Variants in SLC26A5 observed in about 807,000 individuals in gnomAD.
The protein encoded by SLC26A5 is solute carrier family 26 member 5.
A neutral mutation model predicts 81.0 loss-of-function variants in SLC26A5; 51 were observed. The ratio of observed to expected loss-of-function variants is 0.63; its 90% CI spans 0.50 to 0.80. The LOEUF is 0.80. SLC26A5 is among the 30% of genes least tolerant of loss of function. The probability of loss-of-function intolerance (pLI) is 0.00; values close to 1 mark genes in which losing one functional copy is unlikely to be tolerated. For missense variants in SLC26A5, 771 were observed against 905.8 expected (o/e 0.85, Z 1.91); for synonymous variants, 325 against 332.8 (o/e 0.98, Z 0.25).
In SLC26A5 at chr7:103,397,988, A is replaced by C; in HGVS notation, c.915T>G (p.Ala305=). The change falls in exon 9 of 20, where the codon GCT becomes GCG. Residue 305 remains alanine, a synonymous_variant. Coordinates refer to ENST00000306312, the MANE Select transcript of SLC26A5 (RefSeq NM_198999.3). ...TGTATGATTCTTTCAAGTTAAACCCAGCTGAAATGCCAGTTCCCATTACGA... is the reference window on the plus strand; with the variant it reads ...TGTATGATTCTTTCAAGTTAAACCCCGCTGAAATGCCAGTTCCCATTACGA... The part of the protein sequence containing the change: ...FAVVMGTGIS[A]GFNLKESYNV... 6.2e-7 allele frequency: 1 copy of C among 1,614,118 alleles called. No individual in the cohort carries two copies. The highest frequency in any genetic ancestry group is 1.3e-5 in the African/African-American group (1 of 75,050).
chr7:103,355,972 A>G (rs1031473223), intron 19 of SLC26A5, among the ~76,000 whole-genome samples: 3 of 152,254 alleles, frequency 2.0e-5, no homozygotes. Flanking sequence ...TCAAAAATAT[A>G]TGAAGGCATA....
chr7:103,409,275 A>T (rs982817593), intron 7 of SLC26A5, among the ~76,000 whole-genome samples: 3 of 152,238 alleles, frequency 2.0e-5, no homozygotes, highest in African/African-American at 7.2e-5. Context: ...CTTGGCACCT[A>T]GCAGTGTCTG....
intron 14 of SLC26A5, chr7:103,388,728 A>G (rs1822405750): frequency 2.6e-6 from 1 of 387,004 alleles, no homozygotes; most frequent in African/African-American, 2.1e-5. Context: ...TAGACCAGGA[A>G]TGGCAGAAAC....
At chr7:103,379,950 A>G (rs1821649247) in intron 15 of SLC26A5, among the ~76,000 whole-genome samples, 1 of 152,174 alleles carries the variant, frequency 6.6e-6, no homozygotes, top group African/African-American at 2.4e-5. Flanking sequence ...CTAATACCTT[A>G]AAGTGAGTCT....
At chr7:103,403,170 T>C (rs183659707) in intron 8 of SLC26A5, among the ~76,000 whole-genome samples, 1 of 152,348 alleles carries the variant, frequency 6.6e-6, no homozygotes, top group East Asian at 1.9e-4. Context: ...AGTTTCCATG[T>C]AGTTATGCAG....
In SLC26A5 at chr7:103,421,587, C is replaced by T; in HGVS notation, c.-53-20G>A. 1.3e-6 allele frequency: 2 copies of T among 1,509,346 alleles called. No individual in the cohort carries two copies. Among genetic ancestry groups the T allele is most frequent in the Non-Finnish European group, 1.8e-6 (2 of 1,092,752 alleles). The allele number at this position is 1,509,346 out of a possible 1,614,324, so 93.5% of individuals were successfully genotyped here. On this transcript the variant is annotated intron_variant, in intron 2 of 19. Transcript: ENST00000306312. Reference sequence around the variant, plus strand: ...GTGTCACTAGGGGAAAAAAGAAAAACTCCATTTTACTTGCCAAAATCCTAC... The same window carrying T: ...GTGTCACTAGGGGAAAAAAGAAAAATTCCATTTTACTTGCCAAAATCCTAC...
rs974599319 is a variant in SLC26A5 at position 103,421,571 on chromosome 7, G to C, written c.-53-4C>G. ...GACAAGCATTTCCTGAGTGTCACTA[G>C]GGGAAAAAAGAAAAACTCCATTTTA... On this transcript the variant is annotated splice_polypyrimidine_tract_variant and splice_region_variant and intron_variant, in intron 2 of 19. Coordinates refer to ENST00000306312, the MANE Select transcript of SLC26A5 (RefSeq NM_198999.3). 7.0e-6 allele frequency: 11 copies of C among 1,581,098 alleles called. No individual in the cohort carries two copies. Among genetic ancestry groups the C allele is most frequent in the Non-Finnish European group, 9.5e-6 (11 of 1,153,344 alleles).
chr7:103,354,827 G>T, intron 19 of SLC26A5: 2 of 1,254,676 alleles, frequency 1.6e-6, no homozygotes, highest in Non-Finnish European at 2.3e-6. Flanking sequence ...ATAAATGGTT[G>T]ATATCCTGAT....
intron 19 of SLC26A5, among the ~76,000 whole-genome samples, chr7:103,361,270 G>T (rs947600838): frequency 1.3e-5 from 2 of 151,546 alleles, no homozygotes; most frequent in Middle Eastern, 3.2e-3. Flanking sequence ...GATCACCTGA[G>T]GTTGGGATTT....
intron 2 of SLC26A5, among the ~76,000 whole-genome samples, chr7:103,432,321 C>G (rs117826939): frequency 0.038 from 5,850 of 152,102 alleles, 157 homozygotes; most frequent in Non-Finnish European, 0.042. Flanking sequence ...ATTTATTCTC[C>G]CTTTTCTCTT....
At chr7:103,377,947 T>C in intron 17 of SLC26A5, 148 bp from the exon 18 acceptor site, 1 of 754,822 alleles carries the variant, frequency 1.3e-6, no homozygotes, top group Non-Finnish European at 2.3e-6. Flanking sequence ...TATTCTAGCC[T>C]TGTAACTGAA....
intron 6 of SLC26A5, 65 bp downstream of exon 6, chr7:103,411,355 G>T (rs1464685237): frequency 6.3e-7 from 1 of 1,589,926 alleles, no homozygotes; most frequent in African/African-American, 1.3e-5. Flanking sequence ...CCAGCCAAGA[G>T]CACTCAGTAG....
In SLC26A5 at chr7:103,367,651, T is replaced by TGAA; in HGVS notation, c.2041+9154_2041+9156dup. On this transcript the variant is annotated intron_variant, in intron 19 of 19. Coordinates refer to the SLC26A5 transcript ENST00000339444. This position sits in a 1 kb window ranked among gnomAD's most constrained non-coding sequence, Gnocchi z 6.1. ...CATTTCATTTTAGGAAAGGGATTTTTGAAGTTTTTTCTTCCTGTGATTTTT... is the reference window on the plus strand; with the variant it reads ...CATTTCATTTTAGGAAAGGGATTTTTGAAGAAGTTTTTTCTTCCTGTGATTTTT... 1 of 1,609,894 alleles carries TGAA rather than the reference T, an allele frequency of 6.2e-7. No individual in the cohort carries two copies. The highest frequency in any genetic ancestry group is 2.2e-5 in the East Asian group (1 of 44,856).
In SLC26A5 at chr7:103,421,441, T is replaced by C. The variant is rs768355980; in HGVS notation, c.74A>G (p.His25Arg). The C allele has an allele frequency of 1.9e-6, 3 of 1,614,004 alleles. No homozygotes were observed. Among genetic ancestry groups the C allele is most frequent in the South Asian group, 1.1e-5 (1 of 91,078 alleles). ...GTGTAGTCTTTCCTGGAGGACCGGA[T>C]GACTAAAGATAGGCCTTTCCACATA... ...RYYVERPIFSHPVLQERLHTK... is the reference protein window; with the variant it reads ...RYYVERPIFSRPVLQERLHTK... The change falls in exon 3 of 20, where the codon CAT (histidine) becomes CGT (arginine). Residue 25 changes from histidine (H) to arginine (R), a missense_variant. Physicochemically the swap from His to Arg is conservative, Grantham distance 29. Coordinates refer to ENST00000306312, the MANE Select transcript of SLC26A5 (RefSeq NM_198999.3).
chr7:103,354,737 T>C (rs1465297423), intron 19 of SLC26A5: 5 of 617,700 alleles, frequency 8.1e-6, no homozygotes, highest in African/African-American at 1.9e-5. Flanking sequence ...GGGTCAGGAA[T>C]ACCTCTCTAC....
chr7:103,423,308 A>G (rs1011383743), intron 2 of SLC26A5, among the ~76,000 whole-genome samples: 4 of 152,118 alleles, frequency 2.6e-5, no homozygotes, highest in African/African-American at 9.7e-5. Context: ...AGGGTTGTGT[A>G]TGATCTACCA....
At chr7:103,365,766 A>AAAAAT (rs912915941) in intron 19 of SLC26A5, among the ~76,000 whole-genome samples, 1 of 152,100 alleles carries the variant, frequency 6.6e-6, no homozygotes, top group Non-Finnish European at 1.5e-5. Flanking sequence ...CGTCTCTACT[A>AAAAAT]AAAATACAAA....
rs74840849 is a variant in SLC26A5 at position 103,383,542 on chromosome 7, C to T, written c.1515-2993G>A. On this transcript the variant is annotated intron_variant, in intron 14 of 19. Transcript: ENST00000306312. ...CTAATGACACCAAGAGCAAGAAAGT[C>T]TCTTTTAATGAAATCCCATGCAGTT... is the stretch of plus-strand genomic sequence containing the variant. Among the ~76,000 whole-genome samples the T allele has an allele frequency of 1.9e-3, 291 of 152,310 alleles. 12 individuals carry two copies. In the East Asian group the frequency reaches 0.054, roughly 28 times the overall value.
chr7:103,422,751 T>C (rs1328913460), intron 2 of SLC26A5, among the ~76,000 whole-genome samples: 1 of 152,150 alleles, frequency 6.6e-6, no homozygotes, highest in Non-Finnish European at 1.5e-5. Flanking sequence ...GTCTGTACAT[T>C]TGAACTATAT....
Sources: gnomAD v4.1 joint callset for allele counts (sites outside exome capture counted in the v4.1 genomes callset) on GRCh38, gnomAD v4.1.1 for gene constraint, Gnocchi (gnomAD v3.1) non-coding constraint, MANE v1.5 for transcripts, NCBI Gene and HGNC (gene_info 2026-07-23, HGNC 2026-07-21) for gene names.